ZSCAN5A: variants seen among roughly 807,000 people sequenced by gnomAD.
The protein encoded by ZSCAN5A is zinc finger and SCAN domain-containing protein 5A.
In ZSCAN5A, 12 loss-of-function variants were observed where a neutral mutation model predicts 23.7. That is an observed-to-expected ratio of 0.51 (90% CI 0.32 to 0.82). ZSCAN5A has a LOEUF of 0.82. Among genes scored for constraint, ZSCAN5A ranks in the 40% least tolerant of loss-of-function variants. ZSCAN5A has a pLI of 0.03. For missense variants in ZSCAN5A, 597 were observed against 617.9 expected, an observed-to-expected ratio of 0.97 and a Z score of 0.36; for synonymous variants, 257 against 239.9, an observed-to-expected ratio of 1.07 and a Z score of -0.66.
chr19:56,291,494 A>C (rs1159961768), intron 2 of ZSCAN5A, among the ~76,000 whole-genome samples: 1 of 152,168 alleles, frequency 6.6e-6, no homozygotes, highest in East Asian at 1.9e-4. Flanking sequence ...TTTGAGAACC[A>C]CAGGGTGGGA....
intron 2 of ZSCAN5A, among the ~76,000 whole-genome samples, chr19:56,259,316 G>A (rs940958335): frequency 6.6e-6 from 1 of 151,948 alleles, no homozygotes; most frequent in Non-Finnish European, 1.5e-5. Flanking sequence ...CACCAGCCTC[G>A]GACTCCCAAA....
intron 2 of ZSCAN5A, chr19:56,246,499 GC>G (rs2035910781): frequency 1.2e-5 from 8 of 649,250 alleles, no homozygotes; most frequent in Non-Finnish European, 5.6e-6. Context: ...ACAGGGGTTA[GC>G]CCCTCTCTTC....
chr19:56,244,102 A>G (rs1423140056), intron 2 of ZSCAN5A: 15 of 1,477,192 alleles, frequency 1.0e-5, no homozygotes, highest in African/African-American at 6.9e-5. Context: ...GCCCTGAGTC[A>G]GAGCCGCCAC....
rs145673820 is a variant in ZSCAN5A, at chr19:56,353,242, G to A, written c.-358+9993C>T. ...CACATACAGGGAAGCTGGGATTATCGAGTGTAACGGATACTACAGTGTAAC... is the reference window on the plus strand; with the variant it reads ...CACATACAGGGAAGCTGGGATTATCAAGTGTAACGGATACTACAGTGTAAC... On this transcript the variant is annotated intron_variant, in intron 2 of 6. Transcript: ENST00000587340. 1.7e-3 allele frequency among the ~76,000 whole-genome samples: 263 copies of A among 152,320 alleles called. 1 individual carries two copies. Among genetic ancestry groups the A allele is most frequent in the Middle Eastern group, 0.014 (4 of 294 alleles).
upstream of ZSCAN5A, chr19:56,319,792 A>G (rs551787085): frequency 1.4e-4 from 112 of 775,008 alleles, no homozygotes; most frequent in African/African-American, 1.3e-3. Flanking sequence ...TCCTGTAACT[A>G]TGGTCCACTG....
At chr19:56,266,177 G>A (rs367613268) in intron 2 of ZSCAN5A, 12 of 152,138 alleles carry the variant, frequency 7.9e-5, no homozygotes, top group African/African-American at 2.2e-4. Context: ...TTAGAACCAC[G>A]TCTGGCACAT....
At chr19:56,242,939 C>T (rs992932393) in intron 2 of ZSCAN5A, among the ~76,000 whole-genome samples, 9 of 151,938 alleles carry the variant, frequency 5.9e-5, no homozygotes, top group Admixed American at 2.0e-4. Context: ...CCACCATGCC[C>T]GGCTAATTTT....
Position 56,222,231 on chromosome 19 carries a change from T to C in ZSCAN5A, c.835A>G (p.Arg279Gly), listed in dbSNP as rs763703447. ...ADTPSACVVE[R>G]EASTHSGNRG... The stretch of plus-strand genomic sequence containing the variant: ...TTCCCGCTGTGAGTCGAAGCTTCTC[T>C]CTCCACAACGCAGGCAGAAGGTGTG... Residue 279 changes from arginine (R) to glycine (G), a missense_variant, in exon 6 of 6, where the codon AGA becomes GGA. Arg to Gly is a moderately radical substitution (Grantham distance 125). Coordinates refer to ENST00000683990, the MANE Select transcript of ZSCAN5A (RefSeq NM_001322064.3). 1 of 1,613,906 alleles carries C rather than the reference T, an allele frequency of 6.2e-7. No homozygotes were observed.
At chr19:56,264,807 C>T (rs1568666231) in intron 2 of ZSCAN5A, among the ~76,000 whole-genome samples, 2 of 152,142 alleles carry the variant, frequency 1.3e-5, no homozygotes, top group African/African-American at 4.8e-5. Context: ...ATCTAGGTCA[C>T]ACTAAAGCTT....
Position 56,303,029 on chromosome 19 carries a change from T to G in ZSCAN5A, c.-128+10254A>C, listed in dbSNP as rs1600238608. The stretch of plus-strand genomic sequence containing the variant: ...GGCGCTTATCTCAGCCTAGGGGAAG[T>G]GTGGGCTCATGGAAGCCTTTCTGCA... On this transcript the variant is annotated intron_variant, in intron 2 of 5. Coordinates refer to ENST00000683990, the MANE Select transcript of ZSCAN5A (RefSeq NM_001322064.3). The G allele has an allele frequency of 1.8e-5, 7 of 395,884 alleles. No homozygotes were observed. In the East Asian group the frequency reaches 2.5e-4, roughly 14 times the overall value. The allele number at this position is 395,884 out of a possible 1,614,324, so 24.5% of individuals were successfully genotyped here. A position where few individuals can be genotyped will look rare whatever the true frequency, so the allele number is the denominator to read the frequency against.
At chr19:56,250,012 G>A (rs2036228840) in intron 2 of ZSCAN5A, among the ~76,000 whole-genome samples, 1 of 152,190 alleles carries the variant, frequency 6.6e-6, no homozygotes, top group Admixed American at 6.5e-5. Flanking sequence ...GTTCACTGTT[G>A]TGACACCTCG....
chr19:56,225,263 T>G, intron 2 of ZSCAN5A, 90 bp from the exon 3 acceptor site: 1 of 1,237,438 alleles, frequency 8.1e-7, no homozygotes, highest in East Asian at 2.7e-5. Flanking sequence ...TGCCACTTCT[T>G]CAGCAGCATC....
At chr19:56,236,551 C>T (rs867037892) in intron 2 of ZSCAN5A, among the ~76,000 whole-genome samples, 19 of 25,764 alleles carry the variant, frequency 7.4e-4, no homozygotes, top group South Asian at 2.4e-3. Flanking sequence ...CAAGCCTCCA[C>T]TCCAGCCTCT....
At chr19:56,366,126 A>C (rs1196213287) in intron 1 of ZSCAN5A, among the ~76,000 whole-genome samples, 1 of 152,154 alleles carries the variant, frequency 6.6e-6, no homozygotes, top group Non-Finnish European at 1.5e-5. Flanking sequence ...TGTCCCACTT[A>C]AGGGGAAAGG....
Position 56,320,753 on chromosome 19 carries a change from A to G in ZSCAN5A, c.-357-4485T>C, listed in dbSNP as rs553504736. On this transcript the variant is annotated intron_variant, in intron 2 of 6. Transcript: ENST00000587340. ...TTCTGACACAAGACGTACTCCAACAATAGGCCACCTTTTGCTAGTCACACT... is the reference window on the plus strand; with the variant it reads ...TTCTGACACAAGACGTACTCCAACAGTAGGCCACCTTTTGCTAGTCACACT... 298 of 1,233,148 alleles carry G rather than the reference A, an allele frequency of 2.4e-4. 1 individual carries two copies. The highest frequency in any genetic ancestry group is 3.0e-4 in the Non-Finnish European group (250 of 834,382). The allele number at this position is 1,233,148 out of a possible 1,614,324, so 76.4% of individuals were successfully genotyped here.
chr19:56,277,207 G>A (rs190820435), intron 2 of ZSCAN5A, among the ~76,000 whole-genome samples: 4 of 152,178 alleles, frequency 2.6e-5, no homozygotes, highest in Admixed American at 2.0e-4. Flanking sequence ...TAAATGAAAC[G>A]TAAGTCCACA....
intron 2 of ZSCAN5A, chr19:56,342,577 T>G (rs1264508217): frequency 2.6e-6 from 1 of 386,090 alleles, no homozygotes; most frequent in East Asian, 5.8e-5. Flanking sequence ...GAAGAGATCT[T>G]GTCAAGCAGA....
intron 2 of ZSCAN5A, among the ~76,000 whole-genome samples, chr19:56,254,244 A>AAAG (rs1285194050): frequency 1.3e-5 from 2 of 151,946 alleles, no homozygotes; most frequent in Non-Finnish European, 2.9e-5. Flanking sequence ...AGTATTACAT[A>AAAG]AACTTTGGTT....
At chr19:56,342,723 ATC>A (rs1449299249) in intron 2 of ZSCAN5A, 1 of 663,790 alleles carries the variant, frequency 1.5e-6, no homozygotes. Flanking sequence ...TCTGGATTAT[ATC>A]TGTGTCCTCC....
Sources: allele counts gnomAD v4.1 joint callset (sites outside exome capture counted in the v4.1 genomes callset), GRCh38; gene constraint gnomAD v4.1.1; transcripts MANE v1.5; gene names NCBI Gene and HGNC (gene_info 2026-07-23, HGNC 2026-07-21).